The following TSN variants were observed in gnomAD, a reference collection of about 807,000 sequenced individuals.
TSN encodes the protein translin, also known as component 3 of promoter of RISC.
In TSN, 5 loss-of-function variants were observed where a neutral mutation model predicts 29.4. The observed-to-expected ratio is 0.17, with a 90% confidence interval of 0.09 to 0.36. The LOEUF is 0.36. TSN is among the 10% of genes least tolerant of loss of function. The pLI is 1.00. For synonymous variants in TSN, 106 were observed against 102.2 expected, an observed-to-expected ratio of 1.04 and a Z score of -0.23; for missense variants, 159 against 272.8, an observed-to-expected ratio of 0.58 and a Z score of 2.94.
chr2:121,763,367 G>A (rs534266535), intron 5 of TSN, among the ~76,000 whole-genome samples: 3 of 152,000 alleles, frequency 2.0e-5, no homozygotes, highest in Admixed American at 6.6e-5. Flanking sequence ...GGATGGTCTC[G>A]ATCTCCTGAC....
chr2:121,761,167 G>A (rs1457270382), intron 3 of TSN, among the ~76,000 whole-genome samples: 3 of 151,992 alleles, frequency 2.0e-5, no homozygotes, highest in African/African-American at 4.8e-5. Flanking sequence ...CATCGCACCC[G>A]GCGTAAATTT....
chr2:121,763,400 C>CT (rs746803337), intron 5 of TSN, among the ~76,000 whole-genome samples: 46 of 152,280 alleles, frequency 3.0e-4, no homozygotes, highest in Middle Eastern at 3.4e-3. Context: ...CCACCTTGGC[C>CT]TCCCAGAGTG....
intron 5 of TSN, among the ~76,000 whole-genome samples, chr2:121,764,242 T>A (rs1367342965): frequency 6.6e-6 from 1 of 152,176 alleles, no homozygotes; most frequent in Non-Finnish European, 1.5e-5. Context: ...TCTGGCTTGT[T>A]GGAGACACCT....
rs577592690 is a variant in TSN, at chr2:121,766,050, G to T, written c.*683G>T. On this transcript the variant is annotated 3_prime_UTR_variant, in exon 6 of 6. Coordinates refer to ENST00000389682, the MANE Select transcript of TSN (RefSeq NM_004622.3). ...CACCAGGCAGGGAGTAGGGCTTAGT[G>T]TTTTAAAACACCTCTGCTTTCTGAT... The T allele has an allele frequency of 6.6e-6, 1 of 152,362 alleles. No individual in the cohort carries two copies. Among genetic ancestry groups the T allele is most frequent in the South Asian group, 2.1e-4 (1 of 4,826 alleles). The allele number at this position is 152,362 out of a possible 1,614,324, so 9.4% of individuals were successfully genotyped here. A position where few individuals can be genotyped will look rare whatever the true frequency, so the allele number is the denominator to read the frequency against.
intron 5 of TSN, 33 bp downstream of exon 5, chr2:121,763,117 A>G (rs1311288704): frequency 5.3e-6 from 6 of 1,134,834 alleles, no homozygotes; most frequent in Non-Finnish European, 6.2e-6. Context: ...TGCTTTTTTG[A>G]TCTTTCTGCT....
chr2:121,762,902 T>A, intron 4 of TSN, 103 bp from the exon 5 acceptor site: 1 of 1,070,204 alleles, frequency 9.3e-7, no homozygotes, highest in Non-Finnish European at 1.3e-6. Context: ...TTTAAAAGAT[T>A]CATCCTTTCT....
chr2:121,765,548 T>A lies in TSN; in HGVS notation c.*181T>A. ...TTTTGGGGGTAAAAAATATAGCCTT[T>A]ACATGGACAGAATTTTTTTTGTTGT... On this transcript the variant is annotated 3_prime_UTR_variant, in exon 6 of 6. Coordinates refer to ENST00000389682, the MANE Select transcript of TSN (RefSeq NM_004622.3). 1 of 612,286 alleles carries A rather than the reference T, an allele frequency of 1.6e-6. No homozygotes were observed. Among genetic ancestry groups the A allele is most frequent in the Non-Finnish European group, 2.8e-6 (1 of 351,628 alleles). 37.9% of individuals were successfully genotyped at this position (612,286 alleles called of 1,614,324 possible). A position where few individuals can be genotyped will look rare whatever the true frequency, so the allele number is the denominator to read the frequency against.
At position 121,765,347 on chromosome 2, in the gene TSN, G is replaced by A; in HGVS notation, c.667G>A (p.Ala223Thr). 1 of 1,614,208 alleles carries A rather than the reference G, an allele frequency of 6.2e-7. No individual in the cohort carries two copies. The highest frequency in any genetic ancestry group is 8.5e-7 in the Non-Finnish European group (1 of 1,180,018). The change falls in exon 6 of 6, where the codon GCA becomes ACA. Residue 223 changes from alanine to threonine, a missense_variant. Transcript: ENST00000389682. ...SIRGFNKETA[A>T]ACVEK Reference sequence around the variant, plus strand: ...CCGGGGCTTTAATAAGGAGACGGCAGCAGCTTGTGTTGAAAAATAGGAGGC... The same window carrying A: ...CCGGGGCTTTAATAAGGAGACGGCAACAGCTTGTGTTGAAAAATAGGAGGC...
intron 2 of TSN, among the ~76,000 whole-genome samples, chr2:121,758,387 A>G (rs1374075795): frequency 6.6e-6 from 1 of 152,234 alleles, no homozygotes; most frequent in Non-Finnish European, 1.5e-5. Context: ...AAGCAATCCA[A>G]TTTTAGGCAT....
Position 121,755,673 on chromosome 2 carries a change from G to T in TSN, c.-107G>T. ...GACGGTCGTGGCGTAAGACCGGGGGGACGCGGCGGTAGCGGCGGCCGTTGC... is the reference window on the plus strand; with the variant it reads ...GACGGTCGTGGCGTAAGACCGGGGGTACGCGGCGGTAGCGGCGGCCGTTGC... On this transcript the variant is annotated 5_prime_UTR_variant, in exon 1 of 6. Transcript: ENST00000389682. 4.8e-6 allele frequency: 7 copies of T among 1,463,810 alleles called. No individual in the cohort carries two copies. Among genetic ancestry groups the T allele is most frequent in the Non-Finnish European group, 6.6e-6 (7 of 1,063,352 alleles). The allele number at this position is 1,463,810 out of a possible 1,614,324, so 90.7% of individuals were successfully genotyped here.
intron 2 of TSN, 61 bp downstream of exon 2, chr2:121,757,394 A>G: frequency 1.2e-6 from 2 of 1,609,146 alleles, no homozygotes; most frequent in East Asian, 2.2e-5. Context: ...GTTTCTATCC[A>G]GAAGACATTT....
At chr2:121,759,684 C>T (rs948062119) in intron 3 of TSN, among the ~76,000 whole-genome samples, 3 of 151,696 alleles carry the variant, frequency 2.0e-5, no homozygotes, top group African/African-American at 7.3e-5. Context: ...GGAAAAACTG[C>T]ACCTGAATCA....
In TSN at chr2:121,761,420, A is replaced by G; in HGVS notation, c.269A>G (p.His90Arg). 2 of 1,613,986 alleles carry G rather than the reference A, an allele frequency of 1.2e-6. No individual in the cohort carries two copies. The highest frequency in any genetic ancestry group is 8.5e-7 in the Non-Finnish European group (1 of 1,179,876). ...TTATTTTCATGCAGATTTCATGAGC[A>G]CTGGAGGTTTGTGTTGCAGCGCTTG... ...PAEQYYRFHE[H>R]WRFVLQRLVF... Residue 90 changes from histidine to arginine, a missense_variant, in exon 4 of 6, where the codon CAC becomes CGC. This residue lies in a region of TSN where 85 missense variants were observed against 178.1 expected (regional missense o/e 0.48). Transcript: ENST00000389682.
chr2:121,761,284 G>T, intron 3 of TSN, 125 bp from the exon 4 acceptor site: 2 of 666,966 alleles, frequency 3.0e-6, no homozygotes, highest in Non-Finnish European at 5.4e-6. Context: ...TTATATATTG[G>T]GGGTTTGTGT....
chr2:121,764,738 T>A (rs780421342), intron 5 of TSN, among the ~76,000 whole-genome samples: 1 of 152,132 alleles, frequency 6.6e-6, no homozygotes, highest in African/African-American at 2.4e-5. Context: ...GAGTTGCAGC[T>A]TAGTAGGTGG....
At chr2:121,762,958 GCTTAA>G in intron 4 of TSN, 42 bp from the exon 5 acceptor site, 1 of 1,497,782 alleles carries the variant, frequency 6.7e-7, no homozygotes, top group Non-Finnish European at 9.1e-7. Flanking sequence ...ATATTCTGAG[GCTTAA>G]CTTGCATTCA....
chr2:121,762,554 T>A lies in TSN; in HGVS notation c.374-451T>A, dbSNP rs542954154. On this transcript the variant is annotated intron_variant, in intron 4 of 5. Coordinates refer to ENST00000389682, the MANE Select transcript of TSN (RefSeq NM_004622.3). ...GCTTTAGTTTTTAAAATTGAATTTT[T>A]AAAAATTTCAAGCCTACAGAAAAAT... Among the ~76,000 whole-genome samples, 254 of 152,368 alleles carry A rather than the reference T, an allele frequency of 1.7e-3. 2 individuals are homozygous for A. The highest frequency in any genetic ancestry group is 5.8e-3 in the African/African-American group (243 of 41,594).
intron 5 of TSN, 118 bp from the exon 6 acceptor site, chr2:121,765,016 A>T: frequency 1.2e-6 from 1 of 862,378 alleles, no homozygotes; most frequent in Non-Finnish European, 1.9e-6. Context: ...GTGTACCCTG[A>T]GATAGAAGAT....
rs762572850 is a variant in TSN at position 121,765,403 on chromosome 2, C to T, written c.*36C>T. Reference sequence around the variant, plus strand: ...TTGCTCCTGGCCTTGCTGACCTCAGCGGTTGCCAGGAAGGGGTGAGCACAG... The same window carrying T: ...TTGCTCCTGGCCTTGCTGACCTCAGTGGTTGCCAGGAAGGGGTGAGCACAG... On this transcript the variant is annotated 3_prime_UTR_variant, in exon 6 of 6. Coordinates refer to ENST00000389682, the MANE Select transcript of TSN (RefSeq NM_004622.3). 1.5e-5 allele frequency: 24 copies of T among 1,603,582 alleles called. No homozygotes were observed. The highest frequency in any genetic ancestry group is 2.0e-5 in the Non-Finnish European group (24 of 1,171,244).
Sources: gnomAD v4.1 joint callset for allele counts (sites outside exome capture counted in the v4.1 genomes callset) on GRCh38, gnomAD v4.1.1 for gene constraint, gnomAD v4.1.1 regional missense constraint, MANE v1.5 for transcripts, NCBI Gene and HGNC (gene_info 2026-07-23, HGNC 2026-07-21) for gene names.